D2HGDH: variants seen among roughly 807,000 people sequenced by gnomAD.
The protein encoded by D2HGDH is D-2-hydroxyglutarate dehydrogenase.
Under a neutral mutation model 46.9 loss-of-function variants are expected in D2HGDH, and 31 were observed. The ratio of observed to expected loss-of-function variants is 0.66; its 90% CI spans 0.50 to 0.89. The LOEUF is 0.89. D2HGDH is among the 40% of genes least tolerant of loss of function. The pLI is 0.00. For missense variants in D2HGDH, 698 were observed against 720.8 expected, an observed-to-expected ratio of 0.97 and a Z score of 0.36; for synonymous variants, 364 against 332.6, an observed-to-expected ratio of 1.09 and a Z score of -1.03.
chr2:241,743,666 C>A lies in D2HGDH; in HGVS notation c.535C>A (p.Arg179=). Reference sequence around the variant, plus strand: ...GGGCTGCGTCCTGGAGGAGCTGAGCCGGTATGTGGAGGAACGGGACTTCAT... The same window carrying A: ...GGGCTGCGTCCTGGAGGAGCTGAGCAGGTATGTGGAGGAACGGGACTTCAT... ...QAGCVLEELS[R]YVEERDFIMP... is the part of the protein sequence containing the mutation. The change falls in exon 5 of 10, where the codon CGG becomes AGG. Residue 179 remains arginine (R), a synonymous_variant. Coordinates refer to ENST00000321264, the MANE Select transcript of D2HGDH (RefSeq NM_152783.5). This position sits in a 1 kb window ranked among gnomAD's most constrained non-coding sequence, Gnocchi z 4.8. 1.2e-6 allele frequency: 2 copies of A among 1,613,918 alleles called. No individual in the cohort carries two copies. The highest frequency in any genetic ancestry group is 1.7e-6 in the Non-Finnish European group (2 of 1,179,970).
chr2:241,735,868 T>C (rs1413746328), intron 2 of D2HGDH: 1 of 325,050 alleles, frequency 3.1e-6, no homozygotes, highest in East Asian at 8.2e-5. Context: ...GTTCAAGCGA[T>C]TTGCCTGCCT....
chr2:241,735,551 G>A lies in D2HGDH; in HGVS notation c.292+35G>A, dbSNP rs938432445. The A allele has an allele frequency of 4.4e-6, 7 of 1,597,390 alleles. No homozygotes were observed. In the Admixed American group the frequency reaches 6.7e-5, roughly 15 times the overall value. Reference sequence around the variant, plus strand: ...GCTTGGGAAGCTGCGGCGTTTCCGCGTCCCTGCTCCGCTGCGCCTTCCCGT... The same window carrying A: ...GCTTGGGAAGCTGCGGCGTTTCCGCATCCCTGCTCCGCTGCGCCTTCCCGT... On this transcript the variant is annotated intron_variant, in intron 2 of 9. Coordinates refer to ENST00000321264, the MANE Select transcript of D2HGDH (RefSeq NM_152783.5).
intron 3 of D2HGDH, among the ~76,000 whole-genome samples, chr2:241,741,887 G>C (rs1694563422): frequency 6.6e-6 from 1 of 152,082 alleles, no homozygotes; most frequent in East Asian, 1.9e-4. Flanking sequence ...CTGTCTCCAG[G>C]GTTTATTTCA....
chr2:241,756,662 C>T (rs1027974649), intron 9 of D2HGDH, among the ~76,000 whole-genome samples: 25 of 152,182 alleles, frequency 1.6e-4, no homozygotes, highest in Non-Finnish European at 5.9e-5. Context: ...TCTGGGATTA[C>T]AGGCGTCCAC....
chr2:241,764,194 A>C (rs1023407145), intron 9 of D2HGDH, among the ~76,000 whole-genome samples: 1 of 148,038 alleles, frequency 6.8e-6, no homozygotes, highest in Non-Finnish European at 1.5e-5. Flanking sequence ...AGGGGCGGGG[A>C]CTGGGGGGCG....
chr2:241,746,733 C>T (rs1467069747), intron 6 of D2HGDH, among the ~76,000 whole-genome samples: 1 of 151,920 alleles, frequency 6.6e-6, no homozygotes, highest in Non-Finnish European at 1.5e-5. Flanking sequence ...ACTAAAAATA[C>T]AAAAATTAGC....
chr2:241,740,980 C>A, intron 2 of D2HGDH, 53 bp from the exon 3 acceptor site: 1 of 1,479,410 alleles, frequency 6.8e-7, no homozygotes, highest in Non-Finnish European at 9.4e-7. Context: ...TGACCACTTG[C>A]CTCATCTGCA....
At chr2:241,749,174 C>A in intron 6 of D2HGDH, 1 of 834,154 alleles carries the variant, frequency 1.2e-6, no homozygotes, top group Non-Finnish European at 1.6e-6. Context: ...TGCCCAGTCC[C>A]CACCGCCAGA....
chr2:241,742,333 A>T lies in D2HGDH; in HGVS notation c.351-102A>T, dbSNP rs1018500896. Reference sequence around the variant, plus strand: ...GCTGAGGCTGCAGGCAGGGCAGGGTAATCAGGATTTGGAGTCAGGCACTGG... The same window carrying T: ...GCTGAGGCTGCAGGCAGGGCAGGGTTATCAGGATTTGGAGTCAGGCACTGG... On this transcript the variant is annotated intron_variant, in intron 3 of 9. Transcript: ENST00000321264. This position sits in a 1 kb window ranked among gnomAD's most constrained non-coding sequence, Gnocchi z 4.8. 2.8e-6 allele frequency: 4 copies of T among 1,437,008 alleles called. No individual in the cohort carries two copies. The highest frequency in any genetic ancestry group is 2.1e-5 in the Admixed American group (1 of 46,870). The allele number at this position is 1,437,008 out of a possible 1,614,324, so 89.0% of individuals were successfully genotyped here. A position where few individuals can be genotyped will look rare whatever the true frequency, so the allele number is the denominator to read the frequency against.
chr2:241,748,099 C>T (rs1167669442), intron 6 of D2HGDH, among the ~76,000 whole-genome samples: 7 of 150,340 alleles, frequency 4.7e-5, no homozygotes, highest in African/African-American at 9.9e-5. Flanking sequence ...GCTCTTCCCT[C>T]GCTCTTGATG....
At chr2:241,758,208 G>T (rs760863191) in intron 9 of D2HGDH, among the ~76,000 whole-genome samples, 1 of 152,140 alleles carries the variant, frequency 6.6e-6, no homozygotes, top group Non-Finnish European at 1.5e-5. Flanking sequence ...GGATGATTCT[G>T]TTCCACGCTG....
chr2:241,756,796 A>G (rs530285044), intron 9 of D2HGDH, among the ~76,000 whole-genome samples: 1 of 152,312 alleles, frequency 6.6e-6, no homozygotes, highest in Non-Finnish European at 1.5e-5. Context: ...TGCTGGGATT[A>G]CAGGAGTGAG....
intron 9 of D2HGDH, among the ~76,000 whole-genome samples, chr2:241,758,778 T>TGC (rs1698450030): frequency 6.7e-6 from 1 of 148,744 alleles, no homozygotes; most frequent in Non-Finnish European, 1.5e-5. Flanking sequence ...TATGTGTGTG[T>TGC]GTGTGTGTGT....
chr2:241,756,294 C>T (rs761317475), intron 9 of D2HGDH, among the ~76,000 whole-genome samples: 20 of 152,238 alleles, frequency 1.3e-4, no homozygotes, highest in Non-Finnish European at 2.5e-4. Context: ...TCTTCAGTGG[C>T]ATGCAGGGTT....
chr2:241,753,374 G>C (rs1324694766), intron 8 of D2HGDH, among the ~76,000 whole-genome samples: 1 of 151,244 alleles, frequency 6.6e-6, no homozygotes, highest in Non-Finnish European at 1.5e-5. Flanking sequence ...CGAGGCTCTG[G>C]GCAGGTCTGG....
At position 241,757,279 on chromosome 2, in the gene D2HGDH, G is replaced by A. The variant is rs147828425; in HGVS notation, c.1306+1265G>A. Among the ~76,000 whole-genome samples, 1,394 of 152,258 alleles carry A rather than the reference G, an allele frequency of 9.2e-3. 19 individuals are homozygous for A. Among genetic ancestry groups the A allele is most frequent in the African/African-American group, 0.032 (1,328 of 41,526 alleles). ...ACATCTGGAGGATTTGACATAGGAT[G>A]GATGGTAATCTTCTGTGATAGGAAG... On this transcript the variant is annotated intron_variant, in intron 9 of 9. Transcript: ENST00000321264.
chr2:241,745,678 CTT>C (rs1278228061), intron 6 of D2HGDH, among the ~76,000 whole-genome samples: 3 of 152,220 alleles, frequency 2.0e-5, no homozygotes, highest in African/African-American at 7.2e-5. Flanking sequence ...CCTCCACTCT[CTT>C]GTGTCCGATC....
intron 9 of D2HGDH, among the ~76,000 whole-genome samples, chr2:241,763,333 C>A (rs1698998122): frequency 6.6e-6 from 1 of 152,200 alleles, no homozygotes; most frequent in Non-Finnish European, 1.5e-5. Context: ...CCACTTAATG[C>A]CGGAAGCAGT....
At chr2:241,755,171 C>T in intron 8 of D2HGDH, 2 of 1,302,772 alleles carry the variant, frequency 1.5e-6, no homozygotes, top group Non-Finnish European at 2.0e-6. Context: ...CAGAATCCTT[C>T]CTCCCCCGTG....
Sources: allele counts gnomAD v4.1 joint callset (sites outside exome capture counted in the v4.1 genomes callset), GRCh38; gene constraint gnomAD v4.1.1; non-coding constraint Gnocchi (gnomAD v3.1); transcripts MANE v1.5; gene names NCBI Gene and HGNC (gene_info 2026-07-23, HGNC 2026-07-21).